GON4L: variants seen among roughly 807,000 people sequenced by gnomAD.
GON4L encodes gon-4 like.
In GON4L, 87 loss-of-function variants were observed where a neutral mutation model predicts 211.8. The observed-to-expected ratio is 0.41, with a 90% CI of 0.35 to 0.49. The LOEUF is 0.49. GON4L is among the 20% of genes least tolerant of loss of function. GON4L has a pLI of 0.15. For missense variants in GON4L, 2,155 were observed against 2,659.5 expected, an observed-to-expected ratio of 0.81 and a Z score of 4.17; for synonymous variants, 875 against 962.6, an observed-to-expected ratio of 0.91 and a Z score of 1.68.
chr1:155,764,052 C>T (rs1272785206), intron 21 of GON4L, among the ~76,000 whole-genome samples: 1 of 150,778 alleles, frequency 6.6e-6, no homozygotes, highest in Non-Finnish European at 1.5e-5. Flanking sequence ...AAACCACACA[C>T]AAAACAAGAC....
intron 14 of GON4L, among the ~76,000 whole-genome samples, chr1:155,781,705 C>T (rs961759461): frequency 1.3e-4 from 19 of 151,846 alleles, no homozygotes; most frequent in Non-Finnish European, 2.8e-4. Flanking sequence ...TTGTGATCCG[C>T]CTGCCTTGGC....
At chr1:155,825,142 T>A (rs1480928675) in intron 3 of GON4L, among the ~76,000 whole-genome samples, 1 of 151,798 alleles carries the variant, frequency 6.6e-6, no homozygotes, top group East Asian at 1.9e-4. Flanking sequence ...CCAGCCTGGG[T>A]GACAGAGCAG....
At position 155,773,128 on chromosome 1, in the gene GON4L, TG is replaced by T; in HGVS notation, c.2432del (p.Pro811GlnfsTer5). 6.2e-7 allele frequency: 1 copy of T among 1,613,564 alleles called. No individual in the cohort carries two copies. Among genetic ancestry groups the T allele is most frequent in the East Asian group, 2.2e-5 (1 of 44,880 alleles). On this transcript the variant is annotated frameshift_variant, in exon 18 of 32. Transcript: ENST00000368331. LOFTEE classifies it high-confidence loss of function. The stretch of plus-strand genomic sequence containing the variant: ...GATTCTTTGCCTTCAGGGAACACAC[TG>T]GAAGTAACTCTGGATACATGAAAAC... ...SKVFMYPELL[P>X]VCSLKAKNPQ...
chr1:155,760,834 C>T (rs577853589), intron 23 of GON4L, among the ~76,000 whole-genome samples, 193 bp from the exon 24 acceptor site: 1 of 152,234 alleles, frequency 6.6e-6, no homozygotes. Flanking sequence ...AGATCTTTTT[C>T]TGGGAGTGAG....
intron 11 of GON4L, among the ~76,000 whole-genome samples, chr1:155,799,635 G>A (rs1276473374): frequency 2.0e-5 from 3 of 152,130 alleles, no homozygotes; most frequent in Non-Finnish European, 2.9e-5. Flanking sequence ...GGTAAGGGGT[G>A]AAGCCCTGAA....
intron 12 of GON4L, among the ~76,000 whole-genome samples, chr1:155,794,720 A>T (rs1665911816): frequency 6.6e-6 from 1 of 152,212 alleles, no homozygotes; most frequent in Non-Finnish European, 1.5e-5. Flanking sequence ...AACCTGTTAC[A>T]GCATTTATCA....
In GON4L at chr1:155,757,435, C is replaced by T. The variant is rs536016083; in HGVS notation, c.5254-112G>A. The T allele has an allele frequency of 8.0e-5, 72 of 902,486 alleles. 1 individual carries two copies. The East Asian group carries it at 9.9e-4, about 12-fold the overall frequency. 55.9% of individuals were successfully genotyped at this position (902,486 alleles called of 1,614,324 possible). A position where few individuals can be genotyped will look rare whatever the true frequency, so the allele number is the denominator to read the frequency against. ...TGCTTTCCCAGTCAACTGGGAAACA[C>T]ACAGAGACTCTGCCTGGTAACAAAG... is the stretch of plus-strand genomic sequence containing the variant. On this transcript the variant is annotated intron_variant, in intron 25 of 31. Transcript: ENST00000368331.
Position 155,826,754 on chromosome 1 carries a change from A to G in GON4L, c.697+83T>C, listed in dbSNP as rs369800380. 3.0e-5 allele frequency: 27 copies of G among 893,662 alleles called. No homozygotes were observed. In the African/African-American group the frequency reaches 4.4e-4, roughly 15 times the overall value. The allele number at this position is 893,662 out of a possible 1,614,324, so 55.4% of individuals were successfully genotyped here. A position where few individuals can be genotyped will look rare whatever the true frequency, so the allele number is the denominator to read the frequency against. The stretch of plus-strand genomic sequence containing the variant: ...TTTGTAAAAATATAGTGAATTCAGG[A>G]TATCTTAGGACATGTGCAGTTTTCT... On this transcript the variant is annotated intron_variant, in intron 3 of 31. Coordinates refer to ENST00000368331, the MANE Select transcript of GON4L (RefSeq NM_001282860.2).
rs200987293 is a variant in GON4L at position 155,765,935 on chromosome 1, T to C, written c.3538A>G (p.Ile1180Val). 1.2e-4 allele frequency: 195 copies of C among 1,614,060 alleles called. 2 individuals carry two copies. The Middle Eastern group carries it at 3.6e-3, about 30-fold the overall frequency. ...GTAGGGTTAACCAAGAGGGTAGTGA[T>C]GGGAATAGTCTGGGGACTCTGGGCC... ...AVAQSPQTIP[I>V]TTLLVNPTSF... The change falls in exon 21 of 32, where the codon ATC (isoleucine) becomes GTC (valine). Residue 1180 changes from isoleucine (I) to valine (V), a missense_variant. Physicochemically the swap from Ile to Val is conservative, Grantham distance 29 (BLOSUM62 3). Around this residue, in one of 6 missense-constraint regions of GON4L, gnomAD observed 615 missense variants for 625.7 expected, o/e 0.98. Coordinates refer to ENST00000368331, the MANE Select transcript of GON4L (RefSeq NM_001282860.2).
chr1:155,845,510 A>C (rs942275955), intron 2 of GON4L: 2 of 342,636 alleles, frequency 5.8e-6, no homozygotes, highest in Non-Finnish European at 1.2e-5. Context: ...ATGGCAAATG[A>C]AAGTACTTGA....
chr1:155,819,440 A>G (rs1668548059), intron 6 of GON4L, among the ~76,000 whole-genome samples: 1 of 152,062 alleles, frequency 6.6e-6, no homozygotes, highest in Non-Finnish European at 1.5e-5. Flanking sequence ...TTTCTAGACA[A>G]GGTCTCGGTC....
At chr1:155,750,935 T>G (rs1660512432) in intron 31 of GON4L, among the ~76,000 whole-genome samples, 1 of 152,082 alleles carries the variant, frequency 6.6e-6, no homozygotes, top group African/African-American at 2.4e-5. Context: ...GACTAGTTTT[T>G]ATATTTTTAG....
chr1:155,849,563 A>G (rs1411321328), intron 2 of GON4L, among the ~76,000 whole-genome samples: 250 of 149,058 alleles, frequency 1.7e-3, no homozygotes, highest in Non-Finnish European at 2.4e-3. Flanking sequence ...AAAAAAAAAA[A>G]GGTAGTTCAA....
chr1:155,778,331 A>C (rs1247984478), intron 14 of GON4L, among the ~76,000 whole-genome samples: 1 of 152,024 alleles, frequency 6.6e-6, no homozygotes, highest in Non-Finnish European at 1.5e-5. Flanking sequence ...AGCTCACTGC[A>C]ACCTCCGCCT....
intron 11 of GON4L, among the ~76,000 whole-genome samples, chr1:155,801,112 C>CAAAAAAAAAAA (rs367752032): frequency 6.8e-5 from 5 of 73,628 alleles, no homozygotes; most frequent in Non-Finnish European, 9.7e-5. Flanking sequence ...TGCTGCTGCT[C>CAAAAAAAAAAA]AAAAAAAAAA....
At chr1:155,763,173 A>T in intron 22 of GON4L, 139 bp downstream of exon 22, 1 of 641,454 alleles carries the variant, frequency 1.6e-6, no homozygotes, top group Non-Finnish European at 2.7e-6. Context: ...GTTTTGGGGG[A>T]GGGGTGTTGC....
chr1:155,801,347 C>T (rs961137476), intron 11 of GON4L, among the ~76,000 whole-genome samples: 1 of 151,876 alleles, frequency 6.6e-6, no homozygotes, highest in African/African-American at 2.4e-5. Flanking sequence ...AGCTTAGACT[C>T]CTATCAGAAT....
rs1356200028 is a variant in GON4L at position 155,766,991 on chromosome 1, A to C, written c.2764-282T>G. 6 of 550,368 alleles carry C rather than the reference A, an allele frequency of 1.1e-5. No individual in the cohort carries two copies. The East Asian group carries it at 2.1e-4, about 19-fold the overall frequency. The allele number at this position is 550,368 out of a possible 1,614,324, so 34.1% of individuals were successfully genotyped here. On this transcript the variant is annotated intron_variant, in intron 20 of 31. Coordinates refer to ENST00000368331, the MANE Select transcript of GON4L (RefSeq NM_001282860.2). ...AACCTGGGAGGCAGAGGTTGCGAGA[A>C]GCCGAGATCGCACCTTAGCCTGGGT... is the stretch of plus-strand genomic sequence containing the variant.
chr1:155,750,542 GCGCC>G lies in GON4L; in HGVS notation c.*38_*41del, dbSNP rs1318017420. 1 of 1,552,422 alleles carries G rather than the reference GCGCC, an allele frequency of 6.4e-7. No individual in the cohort carries two copies. Among genetic ancestry groups the G allele is most frequent in the Non-Finnish European group, 8.9e-7 (1 of 1,124,754 alleles). On this transcript the variant is annotated 3_prime_UTR_variant, in exon 32 of 32. Transcript: ENST00000368331. ...CAACTACCCCCTCCCCGGTGCCAGG[GCGCC>G]TGTTGGGTTTGGTCCTGTGTAGATG...
Sources: allele counts gnomAD v4.1 joint callset (sites outside exome capture counted in the v4.1 genomes callset), GRCh38; gene constraint gnomAD v4.1.1; regional missense constraint gnomAD v4.1.1; transcripts MANE v1.5; gene names NCBI Gene and HGNC (gene_info 2026-07-23, HGNC 2026-07-21).